CACNA1B: variants seen among roughly 807,000 people sequenced by gnomAD.
CACNA1B encodes voltage-dependent N-type calcium channel subunit alpha-1B.
CACNA1B carries 70 observed loss-of-function variants against 247.2 expected under a neutral mutation model. That is an observed-to-expected ratio of 0.28 (90% confidence interval 0.23 to 0.35). CACNA1B has a LOEUF of 0.35. Among genes scored for constraint, CACNA1B ranks in the 10% least tolerant of loss-of-function variants. The probability of loss-of-function intolerance (pLI) is 1.00; values close to 1 mark genes in which losing one functional copy is unlikely to be tolerated. For synonymous variants in CACNA1B, 1,231 were observed against 1,294.4 expected, an observed-to-expected ratio of 0.95 and a Z score of 1.05; for missense variants, 2,367 against 3,197.4, an observed-to-expected ratio of 0.74 and a Z score of 6.26.
intron 12 of CACNA1B, 26 bp from the exon 13 acceptor site, chr9:137,984,112 C>T: frequency 6.5e-7 from 1 of 1,545,758 alleles, no homozygotes; most frequent in Non-Finnish European, 8.8e-7. Flanking sequence ...TACGGTGCAC[C>T]CAAGGCTAAT....
chr9:138,098,044 C>T (rs1265004191), intron 37 of CACNA1B, among the ~76,000 whole-genome samples: 6 of 152,224 alleles, frequency 3.9e-5, no homozygotes, highest in Non-Finnish European at 8.8e-5. Context: ...TGTCCAGGCT[C>T]TTCCAGGCAC....
intron 18 of CACNA1B, 62 bp downstream of exon 18, chr9:138,013,297 G>A: frequency 7.6e-7 from 1 of 1,315,750 alleles, no homozygotes; most frequent in African/African-American, 1.5e-5. Flanking sequence ...CCCATGGCTG[G>A]GCCCTCCCCA....
At chr9:137,900,452 G>C (rs1957221486) in intron 3 of CACNA1B, among the ~76,000 whole-genome samples, 1 of 151,976 alleles carries the variant, frequency 6.6e-6, no homozygotes, top group Non-Finnish European at 1.5e-5. Context: ...GTGTCTCTGT[G>C]TCTGTGTATG....
chr9:137,953,655 G>T (rs1037287161), intron 7 of CACNA1B, among the ~76,000 whole-genome samples: 1 of 152,164 alleles, frequency 6.6e-6, no homozygotes, highest in Non-Finnish European at 1.5e-5. Flanking sequence ...GGACATCTCA[G>T]CTGAGACCCC....
intron 15 of CACNA1B, among the ~76,000 whole-genome samples, chr9:138,000,272 G>C (rs1958555197): frequency 6.6e-6 from 1 of 151,922 alleles, no homozygotes; most frequent in Admixed American, 6.6e-5. Flanking sequence ...CTAATTTTTT[G>C]TATTTTTAGT....
Position 137,888,804 on chromosome 9 carries a change from G to A in CACNA1B, c.530+5921G>A, listed in dbSNP as rs770635735. Among the ~76,000 whole-genome samples the A allele has an allele frequency of 3.3e-5, 5 of 152,338 alleles. No homozygotes were observed. Among genetic ancestry groups the A allele is most frequent in the Middle Eastern group, 3.4e-3 (1 of 294 alleles). On this transcript the variant is annotated intron_variant, in intron 3 of 46. Transcript: ENST00000371372. This position sits in a 1 kb window ranked among gnomAD's most constrained non-coding sequence, Gnocchi z 4.7. ...TCCTGTTCTTTTGGGCTTTGTGGAC[G>A]CAGGCCGATTCAGATGGTGGCAGGC...
intron 13 of CACNA1B, among the ~76,000 whole-genome samples, chr9:137,985,964 TCTG>T (rs1958355918): frequency 6.6e-6 from 1 of 152,230 alleles, no homozygotes; most frequent in African/African-American, 2.4e-5. Flanking sequence ...CGCTTGCAGA[TCTG>T]CTGTAGGTTC....
At chr9:137,945,358 T>C (rs1294597385) in intron 6 of CACNA1B, among the ~76,000 whole-genome samples, 1 of 152,176 alleles carries the variant, frequency 6.6e-6, no homozygotes, top group East Asian at 1.9e-4. Context: ...TTACCTGGGG[T>C]GGCCATCTGG....
rs1449666472 is a variant in CACNA1B at position 138,072,398 on chromosome 9, C to T, written c.4675-1090C>T. 1.3e-5 allele frequency among the ~76,000 whole-genome samples: 2 copies of T among 152,344 alleles called. No homozygotes were observed. The highest frequency in any genetic ancestry group is 1.9e-4 in the East Asian group (1 of 5,178). ...CCACCTAACGGTAGCCCTGGAGAGT[C>T]GGGATGCTCTGCCAGGCCCTCACCG... On this transcript the variant is annotated intron_variant, in intron 32 of 46. Coordinates refer to ENST00000371372, the MANE Select transcript of CACNA1B (RefSeq NM_000718.4). This position sits in a 1 kb window ranked among gnomAD's most constrained non-coding sequence, Gnocchi z 4.5.
At position 138,007,393 on chromosome 9, in the gene CACNA1B, G is replaced by A. The variant is rs1175825967; in HGVS notation, c.2092+509G>A. On this transcript the variant is annotated intron_variant, in intron 16 of 46. Transcript: ENST00000371372. This position sits in a 1 kb window ranked among gnomAD's most constrained non-coding sequence, Gnocchi z 4.1. ...TGGGGTCAGAGCGAGCCCAGCCGCC[G>A]GTGGTGAGCTCTGCCCTAGCAAGGG... is the stretch of plus-strand genomic sequence containing the variant. 3.0e-5 allele frequency among the ~76,000 whole-genome samples: 4 copies of A among 132,828 alleles called. No homozygotes were observed. Among genetic ancestry groups the A allele is most frequent in the African/African-American group, 1.1e-4 (3 of 27,726 alleles). 87.1% of individuals were successfully genotyped at this position (132,828 alleles called of 152,430 possible). A position where few individuals can be genotyped will look rare whatever the true frequency, so the allele number is the denominator to read the frequency against.
intron 26 of CACNA1B, among the ~76,000 whole-genome samples, chr9:138,055,513 A>G (rs1959462938): frequency 1.3e-5 from 2 of 152,172 alleles, no homozygotes; most frequent in African/African-American, 2.4e-5. Context: ...TAAGAAATCT[A>G]TCCCAAGGCC....
intron 36 of CACNA1B, among the ~76,000 whole-genome samples, chr9:138,080,921 A>G (rs568876782): frequency 4.9e-4 from 74 of 152,316 alleles, no homozygotes; most frequent in African/African-American, 1.7e-3. Flanking sequence ...AGAAATACAG[A>G]AGAACCTACA....
intron 35 of CACNA1B, among the ~76,000 whole-genome samples, chr9:138,077,609 G>A (rs564556845): frequency 3.9e-5 from 6 of 152,244 alleles, no homozygotes; most frequent in African/African-American, 1.4e-4. Context: ...AGGCTCAGAA[G>A]CTTCCATAGC....
intron 36 of CACNA1B, among the ~76,000 whole-genome samples, chr9:138,096,141 TG>T (rs1268021194): frequency 1.3e-5 from 2 of 152,200 alleles, no homozygotes; most frequent in African/African-American, 2.4e-5. Flanking sequence ...CCCAAATTGT[TG>T]GCCCGTAGAG....
rs199865788 is a variant in CACNA1B at position 138,121,915 on chromosome 9, C to T, written c.6936C>T (p.Asn2312=). 64 of 1,610,950 alleles carry T rather than the reference C, an allele frequency of 4.0e-5. No individual in the cohort carries two copies. Among genetic ancestry groups the T allele is most frequent in the Middle Eastern group, 1.6e-4 (1 of 6,084 alleles). ...CTCACCCTCTCCGCCGCGTGCCCAA[C>T]GGTTACCACTGCACCCTGGGACTCA... ...SQSHPLRRVP[N]GYHCTLGLSS... Residue 2312 remains asparagine, a synonymous_variant, in exon 47 of 47, where the codon AAC becomes AAT. Coordinates refer to ENST00000371372, the MANE Select transcript of CACNA1B (RefSeq NM_000718.4). The surrounding 1 kb of genome is among the most constrained non-coding windows in gnomAD (Gnocchi z 6.8).
At chr9:138,107,950 A>C (rs1207266482) in intron 39 of CACNA1B, among the ~76,000 whole-genome samples, 1 of 150,290 alleles carries the variant, frequency 6.7e-6, no homozygotes, top group African/African-American at 2.5e-5. Context: ...GCGCCACTGC[A>C]CTCCAGTCTG....
intron 15 of CACNA1B, among the ~76,000 whole-genome samples, chr9:138,002,429 C>G (rs936057657): frequency 1.3e-5 from 2 of 152,006 alleles, no homozygotes; most frequent in African/African-American, 4.8e-5. Flanking sequence ...GAGTAAGAGG[C>G]CAGGCATGGT....
intron 18 of CACNA1B, chr9:138,017,123 T>G (rs1397166166): frequency 1.9e-6 from 1 of 518,974 alleles, no homozygotes; most frequent in South Asian, 1.4e-5. Flanking sequence ...GTCTGTTCTG[T>G]TTTTTGCATG....
intron 3 of CACNA1B, among the ~76,000 whole-genome samples, chr9:137,910,517 A>T (rs1957348203): frequency 6.6e-6 from 1 of 152,170 alleles, no homozygotes; most frequent in African/African-American, 2.4e-5. Context: ...TTACATTGTG[A>T]TATATAATGA....
Sources: allele counts gnomAD v4.1 joint callset (sites outside exome capture counted in the v4.1 genomes callset), GRCh38; gene constraint gnomAD v4.1.1; non-coding constraint Gnocchi (gnomAD v3.1); transcripts MANE v1.5; gene names NCBI Gene and HGNC (gene_info 2026-07-23, HGNC 2026-07-21).